PCDHA5: variants seen among roughly 807,000 people sequenced by gnomAD.
The protein encoded by PCDHA5 is protocadherin alpha 5, also known as protocadherin alpha-5.
A neutral mutation model predicts 61.6 loss-of-function variants in PCDHA5; 43 were observed. The ratio of observed to expected loss-of-function variants is 0.70; its 90% CI spans 0.55 to 0.90. The LOEUF is 0.90. PCDHA5 is among the 40% of genes least tolerant of loss of function. The probability of loss-of-function intolerance (pLI) is 0.00; values close to 1 mark genes in which losing one functional copy is unlikely to be tolerated. For synonymous variants in PCDHA5, 627 were observed against 543.9 expected (o/e 1.15, Z -2.13); for missense variants, 1,298 against 1,222.7 (o/e 1.06, Z -0.92).
At chr5:140,943,380 T>A (rs2093488086) in intron 1 of PCDHA5, among the ~76,000 whole-genome samples, 3 of 151,328 alleles carry the variant, frequency 2.0e-5, no homozygotes, top group Admixed American at 2.0e-4. Context: ...AATATACAGG[T>A]AAGAAATTAT....
intron 1 of PCDHA5, among the ~76,000 whole-genome samples, chr5:140,922,818 C>G (rs530870255): frequency 6.6e-6 from 1 of 152,326 alleles, no homozygotes; most frequent in South Asian, 2.1e-4. Context: ...GGAGATACAG[C>G]ATACTGCTAA....
intron 3 of PCDHA5, among the ~76,000 whole-genome samples, chr5:140,989,263 A>G (rs2097334941): frequency 6.6e-6 from 1 of 152,146 alleles, no homozygotes; most frequent in South Asian, 2.1e-4. Flanking sequence ...GGGAGATTCA[A>G]GTTTCTGCTG....
Position 140,927,344 on chromosome 5 carries a change from A to G in PCDHA5, c.2353-51605A>G, listed in dbSNP as rs144568777. 1.0e-4 allele frequency: 168 copies of G among 1,613,994 alleles called. No homozygotes were observed. Among genetic ancestry groups the G allele is most frequent in the Middle Eastern group, 8.2e-4 (5 of 6,062 alleles). On this transcript the variant is annotated intron_variant, in intron 1 of 3. Transcript: ENST00000529859. ...TTTACTCTCCCGAATGCCCAAGATGACGACGAGGGAAGCAATGGGATACTA... is the reference window on the plus strand; with the variant it reads ...TTTACTCTCCCGAATGCCCAAGATGGCGACGAGGGAAGCAATGGGATACTA...
At chr5:140,979,937 A>G (rs563499415) in intron 2 of PCDHA5, among the ~76,000 whole-genome samples, 1 of 152,388 alleles carries the variant, frequency 6.6e-6, no homozygotes, top group African/African-American at 2.4e-5. Context: ...GTATGTGTAG[A>G]GTTAATGTGA....
intron 1 of PCDHA5, among the ~76,000 whole-genome samples, chr5:140,921,213 G>A (rs759293646): frequency 1.3e-5 from 2 of 151,378 alleles, no homozygotes; most frequent in East Asian, 1.9e-4. Context: ...GATAATTCAC[G>A]TCTTTTTTGC....
intron 1 of PCDHA5, chr5:140,877,314 G>C (rs2057020187): frequency 6.2e-7 from 1 of 1,613,972 alleles, no homozygotes; most frequent in Non-Finnish European, 8.5e-7. Flanking sequence ...TGCAACCGGC[G>C]GCGGTCGGCG....
intron 1 of PCDHA5, among the ~76,000 whole-genome samples, chr5:140,826,052 T>C (rs2150142347): frequency 8.5e-5 from 13 of 152,216 alleles, no homozygotes; most frequent in Non-Finnish European, 1.8e-4. Flanking sequence ...GCTTTGCCTG[T>C]TTCTTTTATT....
intron 1 of PCDHA5, chr5:140,966,570 G>A: frequency 2.0e-6 from 1 of 501,774 alleles, no homozygotes; most frequent in Non-Finnish European, 3.3e-6. Context: ...GGAATATGGG[G>A]AGTCAGCGAG....
intron 1 of PCDHA5, chr5:140,927,490 C>T: frequency 3.1e-6 from 5 of 1,614,132 alleles, no homozygotes; most frequent in Non-Finnish European, 4.2e-6. Context: ...CGCCACCCAC[C>T]TGCTGGTGCT....
At chr5:140,851,327 T>C in intron 1 of PCDHA5, 1 of 984,006 alleles carries the variant, frequency 1.0e-6, no homozygotes, top group East Asian at 8.4e-5. Context: ...GTTAAGTTTG[T>C]AGTTCTCTAC....
At chr5:140,841,195 T>A (rs1777082025) in intron 1 of PCDHA5, 13 of 1,267,354 alleles carry the variant, frequency 1.0e-5, no homozygotes, top group Non-Finnish European at 1.4e-5. Context: ...GTCTTTTCTC[T>A]GACAGCATCT....
Position 140,944,942 on chromosome 5 carries a change from T to C in PCDHA5, c.2353-34007T>C, listed in dbSNP as rs564740183. Among the ~76,000 whole-genome samples the C allele has an allele frequency of 2.0e-4, 31 of 152,326 alleles. No individual in the cohort carries two copies. The South Asian group carries it at 3.7e-3, about 18-fold the overall frequency. On this transcript the variant is annotated intron_variant, in intron 1 of 3. Coordinates refer to ENST00000529859, the MANE Select transcript of PCDHA5 (RefSeq NM_018908.3). ...ATTGGTTTATGCCTTCTTTAGATGATTGTGAATAAGAGTATTATCTTAACC... is the reference window on the plus strand; with the variant it reads ...ATTGGTTTATGCCTTCTTTAGATGACTGTGAATAAGAGTATTATCTTAACC...
intron 1 of PCDHA5, among the ~76,000 whole-genome samples, chr5:140,960,717 T>G (rs367185): frequency 9.9e-5 from 3 of 30,264 alleles, no homozygotes; most frequent in African/African-American, 2.5e-4. Flanking sequence ...ATACTCATCT[T>G]ATTTTAGTCC....
At chr5:140,853,743 T>C (rs1258118631) in intron 1 of PCDHA5, 2 of 988,454 alleles carry the variant, frequency 2.0e-6, no homozygotes, top group African/African-American at 1.8e-5. Context: ...AATGTTCTGG[T>C]TCAAGGCTCC....
At chr5:140,992,637 G>A (rs31872) in intron 3 of PCDHA5, among the ~76,000 whole-genome samples, 103,738 of 151,942 alleles carry the variant, frequency 0.68, 36,576 homozygotes, top group African/African-American at 0.86. Flanking sequence ...AACTTCCCTG[G>A]AAAATAGAAG....
In PCDHA5 at chr5:140,843,615, C is replaced by A. The variant is rs111750019; in HGVS notation, c.2352+19488C>A. ...AGGGTGTGCTCTGGTGAGGGGCCAC[C>A]GAAGACGGACCTCATGGCCTTCAGC... On this transcript the variant is annotated intron_variant, in intron 1 of 3. Transcript: ENST00000529859. 4.2e-5 allele frequency: 67 copies of A among 1,596,016 alleles called. 5 individuals are homozygous for A. In the African/African-American group the frequency reaches 5.8e-4, roughly 14 times the overall value.
At chr5:140,871,418 G>A in intron 1 of PCDHA5, 4 of 1,613,874 alleles carry the variant, frequency 2.5e-6, no homozygotes, top group Admixed American at 1.7e-5. Context: ...ATGGCCTTCA[G>A]CCCCAGTCTT....
At chr5:140,989,007 A>C (rs1356295875) in intron 3 of PCDHA5, 1 of 152,216 alleles carries the variant, frequency 6.6e-6, no homozygotes, top group Non-Finnish European at 1.5e-5. Flanking sequence ...ATAGAGACTT[A>C]TTATAGTTTC....
Position 140,830,013 on chromosome 5 carries a change from A to T in PCDHA5, c.2352+5886A>T, listed in dbSNP as rs2150179527. The T allele has an allele frequency of 5.0e-6, 8 of 1,613,332 alleles. No homozygotes were observed. The Admixed American group carries it at 1.0e-4, about 20-fold the overall frequency. On this transcript the variant is annotated intron_variant, in intron 1 of 3. Coordinates refer to ENST00000529859, the MANE Select transcript of PCDHA5 (RefSeq NM_018908.3). ...ACCACTCGTGTCCTGGACGAAGCGG[A>T]CTCTCCGCGCCACCGGCTGCTGGTG...
Sources: gnomAD v4.1 joint callset for allele counts (sites outside exome capture counted in the v4.1 genomes callset) on GRCh38, gnomAD v4.1.1 for gene constraint, MANE v1.5 for transcripts, NCBI Gene and HGNC (gene_info 2026-07-23, HGNC 2026-07-21) for gene names.